The following CEP128 variants were observed in gnomAD, a reference collection of about 807,000 sequenced individuals.
CEP128 encodes the protein centrosomal protein 128, also known as centrosomal protein 128kDa.
A neutral mutation model predicts 156.7 loss-of-function variants in CEP128; 132 were observed. That is an observed-to-expected ratio of 0.84 (90% confidence interval 0.73 to 0.97). CEP128 has a LOEUF of 0.97. CEP128 is among the 50% of genes least tolerant of loss of function. The pLI is 0.00. For missense variants in CEP128, 1,252 were observed against 1,281.9 expected (o/e 0.98, Z 0.36); for synonymous variants, 469 against 448.9 (o/e 1.04, Z -0.57).
At chr14:80,490,055 A>C (rs2140157778), downstream of CEP128, among the ~76,000 whole-genome samples, 1 of 152,296 alleles carries the variant, frequency 6.6e-6, no homozygotes, top group South Asian at 2.1e-4. Flanking sequence ...CCATTCCTAA[A>C]CAATAAGGGG....
At chr14:80,909,403 A>ACACACACACG (rs34728272) in intron 4 of CEP128, among the ~76,000 whole-genome samples, 30 of 150,582 alleles carry the variant, frequency 2.0e-4, no homozygotes, top group Non-Finnish European at 3.5e-4. Context: ...ACACACACAC[A>ACACACACACG]CGCAAACTCC....
At chr14:80,727,635 G>T (rs1419499988) in intron 19 of CEP128, among the ~76,000 whole-genome samples, 3 of 152,010 alleles carry the variant, frequency 2.0e-5, no homozygotes, top group Non-Finnish European at 2.9e-5. Flanking sequence ...TCCAACAAAG[G>T]TCCAATATCA....
intron 20 of CEP128, among the ~76,000 whole-genome samples, chr14:80,576,809 AT>A (rs1390379100): frequency 6.6e-6 from 1 of 152,174 alleles, no homozygotes; most frequent in Non-Finnish European, 1.5e-5. Context: ...GGCTATATAA[AT>A]AAGAGACCAG....
intron 19 of CEP128, among the ~76,000 whole-genome samples, chr14:80,617,486 C>T (rs1435968975): frequency 1.3e-5 from 2 of 152,038 alleles, no homozygotes; most frequent in Admixed American, 6.5e-5. Flanking sequence ...CCGCCGGCCT[C>T]GGCCTCCCAA....
intron 11 of CEP128, 65 bp downstream of exon 11, chr14:80,838,139 T>C: frequency 8.6e-7 from 1 of 1,161,878 alleles, no homozygotes; most frequent in Non-Finnish European, 1.3e-6. Context: ...ACAAAGACAT[T>C]TAAATAGAGC....
intron 12 of CEP128, among the ~76,000 whole-genome samples, chr14:80,832,156 T>A (rs547809717): frequency 6.6e-6 from 1 of 152,224 alleles, no homozygotes; most frequent in African/African-American, 2.4e-5. Flanking sequence ...TTGCCTTCCA[T>A]CATGATTGTG....
chr14:80,746,875 G>A (rs181956571), intron 18 of CEP128, among the ~76,000 whole-genome samples: 135 of 152,234 alleles, frequency 8.9e-4, no homozygotes, highest in African/African-American at 3.1e-3. Flanking sequence ...TCATAAAGAA[G>A]TCAGTAATAA....
chr14:80,547,284 C>T (rs1890025550), intron 21 of CEP128, among the ~76,000 whole-genome samples: 1 of 152,182 alleles, frequency 6.6e-6, no homozygotes, highest in African/African-American at 2.4e-5. Context: ...TACCCTATTT[C>T]TTCTTACCCT....
At chr14:80,487,384 T>G (rs370315369), downstream of CEP128, among the ~76,000 whole-genome samples, 17 of 152,264 alleles carry the variant, frequency 1.1e-4, no homozygotes, top group Admixed American at 4.6e-4. Context: ...AGCAAGTCCT[T>G]AGTGACCTAC....
chr14:80,837,839 TA>T (rs1171170932), intron 11 of CEP128, among the ~76,000 whole-genome samples: 16 of 152,240 alleles, frequency 1.1e-4, no homozygotes, highest in African/African-American at 3.9e-4. Flanking sequence ...CTGCTGCATG[TA>T]GTTTACTTCT....
Position 80,777,999 on chromosome 14 carries a change from C to T in CEP128, c.2259G>A (p.Gln753=). ...EKNMAKIHRG[Q]LEKLKSQCDR... ...CACACTGTGATTTCAACTTCTCCAG[C>T]TGACCACGATGAATTTTAGCCATAT... Residue 753 remains glutamine, a synonymous_variant, in exon 16 of 25, where the codon CAG becomes CAA. Transcript: ENST00000555265. 1 of 1,613,560 alleles carries T rather than the reference C, an allele frequency of 6.2e-7. No homozygotes were observed. Among genetic ancestry groups the T allele is most frequent in the South Asian group, 1.1e-5 (1 of 91,010 alleles).
intron 19 of CEP128, among the ~76,000 whole-genome samples, chr14:80,606,378 C>T (rs936272586): frequency 1.3e-5 from 2 of 152,020 alleles, no homozygotes; most frequent in Non-Finnish European, 2.9e-5. Flanking sequence ...AATATAGATA[C>T]CAAATTAGAT....
chr14:80,526,895 T>A lies in CEP128; in HGVS notation c.3046A>T (p.Thr1016Ser). The A allele has an allele frequency of 6.2e-7, 1 of 1,607,530 alleles. No homozygotes were observed. The highest frequency in any genetic ancestry group is 8.5e-7 in the Non-Finnish European group (1 of 1,174,898). Residue 1016 changes from threonine (T) to serine (S), a missense_variant, in exon 23 of 25, where the codon ACC becomes TCC. Transcript: ENST00000555265. ...TTGAAACTTTTGGTTCTGTACTTGG[T>A]GTCATCTTGGTGATGCTGAAGAGAA... ...RNSLQHHQDD[T>S]KYRTKSFKGD...
chr14:80,814,965 G>A (rs1173951277), intron 13 of CEP128, among the ~76,000 whole-genome samples: 4 of 152,188 alleles, frequency 2.6e-5, no homozygotes, highest in African/African-American at 9.7e-5. Context: ...GGCTGAGGCA[G>A]GAGAATTGCT....
chr14:80,781,318 G>T (rs867323011), intron 15 of CEP128, among the ~76,000 whole-genome samples: 2 of 151,996 alleles, frequency 1.3e-5, no homozygotes, highest in Non-Finnish European at 2.9e-5. Flanking sequence ...TTAGCTGGGC[G>T]TGGTGGTGCG....
intron 19 of CEP128, among the ~76,000 whole-genome samples, chr14:80,694,668 A>C (rs1000500218): frequency 6.7e-6 from 1 of 149,898 alleles, no homozygotes; most frequent in Non-Finnish European, 1.5e-5. Context: ...TAAACACTGC[A>C]TGTTCTCACT....
intron 21 of CEP128, among the ~76,000 whole-genome samples, chr14:80,542,983 ATAAAT>A (rs1269380453): frequency 1.3e-5 from 2 of 152,200 alleles, no homozygotes; most frequent in African/African-American, 4.8e-5. Context: ...GAATGACAAA[ATAAAT>A]TAATCATTTT....
intron 8 of CEP128, among the ~76,000 whole-genome samples, chr14:80,870,541 C>T (rs77484087): frequency 0.078 from 11,819 of 151,984 alleles, 492 homozygotes; most frequent in African/African-American, 0.096. Flanking sequence ...AATTCAACAT[C>T]CTTTCATGAT....
chr14:80,648,535 T>C (rs1209060545), intron 19 of CEP128, among the ~76,000 whole-genome samples: 1 of 152,012 alleles, frequency 6.6e-6, no homozygotes, highest in East Asian at 1.9e-4. Flanking sequence ...TACTCCAACC[T>C]TTCCCTAAAG....
Sources: allele counts gnomAD v4.1 joint callset (sites outside exome capture counted in the v4.1 genomes callset), GRCh38; gene constraint gnomAD v4.1.1; transcripts MANE v1.5; gene names NCBI Gene and HGNC (gene_info 2026-07-23, HGNC 2026-07-21).